Variants in NHSL2 observed in about 807,000 individuals in gnomAD.
NHSL2 encodes the protein NHS like 2.
In NHSL2, 27 loss-of-function variants were observed where a neutral mutation model predicts 53.4. The ratio of observed to expected loss-of-function variants is 0.51; its 90% CI spans 0.37 to 0.70. NHSL2 has a LOEUF of 0.70. NHSL2 is among the 30% of genes least tolerant of loss of function. NHSL2 has a pLI of 0.00. For missense variants in NHSL2, 892 were observed against 980.1 expected (o/e 0.91, Z 1.20); for synonymous variants, 408 against 404.1 (o/e 1.01, Z -0.12).
At chrX:71,964,009 A>ATG (rs1324207735) in intron 1 of NHSL2, among the ~76,000 whole-genome samples, 32,132 of 38,427 alleles carry the variant, frequency 0.84, 12,727 homozygotes, top group Non-Finnish European at 0.93. Flanking sequence ...ACATATATAT[A>ATG]TGTATATATA....
rs767833255 is a variant in NHSL2, at chrX:71,970,932, G to A, written c.280+59565G>A. Among the ~76,000 whole-genome samples, 70 of 111,030 alleles carry A rather than the reference G, an allele frequency of 6.3e-4. 1 individual carries two copies. In the South Asian group the frequency reaches 0.012, roughly 19 times the overall value. Reference sequence around the variant, plus strand: ...CTAGTAGTTAGGACTACAGGTGTGCGCCACCATGCTGGGTTAATTTTTTAA... The same window carrying A: ...CTAGTAGTTAGGACTACAGGTGTGCACCACCATGCTGGGTTAATTTTTTAA... On this transcript the variant is annotated intron_variant, in intron 1 of 7. Transcript: ENST00000633930.
chrX:71,948,443 A>T (rs1403095244), intron 1 of NHSL2, among the ~76,000 whole-genome samples: 1 of 112,203 alleles, frequency 8.9e-6, no homozygotes, highest in Non-Finnish European at 1.9e-5. Context: ...GCTCTAAGCT[A>T]GGCTTTTAGT....
chrX:72,150,087 A>C lies in NHSL2; in HGVS notation c.*6513A>C, dbSNP rs1359020999. On this transcript the variant is annotated 3_prime_UTR_variant, in exon 8 of 8. Transcript: ENST00000633930. Reference sequence around the variant, plus strand: ...TGAACTAATATATATGCTTTAAGGGAAAATGTTCAAGAGTTCTTTAATTCA... The same window carrying C: ...TGAACTAATATATATGCTTTAAGGGCAAATGTTCAAGAGTTCTTTAATTCA... 1.8e-5 allele frequency: 2 copies of C among 112,955 alleles called. No individual in the cohort carries two copies. Among genetic ancestry groups the C allele is most frequent in the African/African-American group, 6.4e-5 (2 of 31,112 alleles). The allele number at this position is 112,955 out of a possible 1,213,427, so 9.3% of individuals were successfully genotyped here.
intron 1 of NHSL2, among the ~76,000 whole-genome samples, chrX:72,100,662 G>A (rs1248587955): frequency 8.9e-6 from 1 of 111,994 alleles, no homozygotes; most frequent in Non-Finnish European, 1.9e-5. Context: ...CCTACTGTGA[G>A]CTGTGCATGT....
intron 1 of NHSL2, among the ~76,000 whole-genome samples, chrX:72,107,409 G>C (rs1002974685): frequency 1.2e-4 from 14 of 112,629 alleles, no homozygotes; most frequent in African/African-American, 4.2e-4. Context: ...CCCCTTGTGG[G>C]TAGGCAGGGA....
chrX:72,066,139 G>A (rs1277642728), intron 1 of NHSL2, among the ~76,000 whole-genome samples: 3 of 111,590 alleles, frequency 2.7e-5, no homozygotes, highest in African/African-American at 9.8e-5. Flanking sequence ...CATTGAAGGG[G>A]TCTGGGGAAG....
intron 1 of NHSL2, among the ~76,000 whole-genome samples, chrX:72,007,418 C>T (rs1402844190): frequency 1.8e-5 from 2 of 112,370 alleles, no homozygotes; most frequent in East Asian, 5.6e-4. Context: ...CCGGGGATGC[C>T]CTTTTAATAA....
intron 1 of NHSL2, among the ~76,000 whole-genome samples, chrX:72,063,805 G>A (rs57219247): frequency 0.023 from 2,529 of 110,354 alleles, 69 homozygotes; most frequent in African/African-American, 0.079. Flanking sequence ...AGCACAATGT[G>A]TACTGCATTT....
rs55912050 is a variant in NHSL2 at position 72,144,704 on chromosome X, GCACACACACACA to G, written c.*1161_*1172del. Reference sequence around the variant, plus strand: ...CTTGCCAGTTGCTATGGCCCATAATGCACACACACACACACACACACACACACACACACACAC... The same window carrying G: ...CTTGCCAGTTGCTATGGCCCATAATGCACACACACACACACACACACACAC... On this transcript the variant is annotated 3_prime_UTR_variant, in exon 8 of 8. Coordinates refer to ENST00000633930, the MANE Select transcript of NHSL2 (RefSeq NM_001013627.3). 0.017 allele frequency: 2,600 copies of G among 155,667 alleles called. 9 individuals are homozygous for G. Among genetic ancestry groups the G allele is most frequent in the East Asian group, 0.076 (378 of 4,987 alleles). The allele number at this position is 155,667 out of a possible 1,213,427, so 12.8% of individuals were successfully genotyped here.
chrX:72,101,619 G>C (rs764851165), intron 1 of NHSL2, among the ~76,000 whole-genome samples: 4 of 110,410 alleles, frequency 3.6e-5, no homozygotes, highest in Non-Finnish European at 5.7e-5. Context: ...TGGTGGAGCC[G>C]AGGGTTCAGA....
intron 1 of NHSL2, among the ~76,000 whole-genome samples, chrX:72,113,171 T>C (rs1235969798): frequency 8.9e-6 from 1 of 112,279 alleles, no homozygotes; most frequent in East Asian, 2.8e-4. Flanking sequence ...AGTTTATTTT[T>C]TCTTTTGTTG....
At chrX:71,994,353 G>A (rs2042040812) in intron 1 of NHSL2, among the ~76,000 whole-genome samples, 2 of 103,123 alleles carry the variant, frequency 1.9e-5, no homozygotes, top group Non-Finnish European at 3.9e-5. Context: ...GGTAGGCTTC[G>A]GGTGAAAAGG....
At position 72,152,208 on chromosome X, in the gene NHSL2, T is replaced by C. The variant is rs2042519541; in HGVS notation, c.*8634T>C. The C allele has an allele frequency of 8.8e-6, 1 of 113,357 alleles. No individual in the cohort carries two copies. 9.3% of individuals were successfully genotyped at this position (113,357 alleles called of 1,213,427 possible). A position where few individuals can be genotyped will look rare whatever the true frequency, so the allele number is the denominator to read the frequency against. On this transcript the variant is annotated 3_prime_UTR_variant, in exon 8 of 8. Coordinates refer to ENST00000633930, the MANE Select transcript of NHSL2 (RefSeq NM_001013627.3). ...CTAATGCTTCTTGGGAGTCTGAAGCTCAGATTCACATTTTCACATTTTCTC... is the reference window on the plus strand; with the variant it reads ...CTAATGCTTCTTGGGAGTCTGAAGCCCAGATTCACATTTTCACATTTTCTC...
intron 1 of NHSL2, among the ~76,000 whole-genome samples, chrX:72,109,935 C>T (rs931178602): frequency 8.9e-6 from 1 of 112,060 alleles, no homozygotes; most frequent in African/African-American, 3.3e-5. Context: ...TTATTAAAAA[C>T]TCCACAGAGT....
intron 1 of NHSL2, among the ~76,000 whole-genome samples, chrX:72,038,094 C>T (rs1052792234): frequency 1.1e-4 from 12 of 112,181 alleles, no homozygotes; most frequent in African/African-American, 3.9e-4. Context: ...AGTCTGGGAC[C>T]TAGTCACATT....
At chrX:71,911,461 C>T (rs1222821870) in intron 1 of NHSL2, 94 bp downstream of exon 1, 1 of 765,346 alleles carries the variant, frequency 1.3e-6, no homozygotes, top group East Asian at 4.2e-5. Flanking sequence ...CCTCTCCCCG[C>T]CTCTCTCCGC....
chrX:71,945,758 T>A (rs2041789419), intron 1 of NHSL2, among the ~76,000 whole-genome samples: 2 of 111,655 alleles, frequency 1.8e-5, no homozygotes, highest in Non-Finnish European at 3.8e-5. Context: ...AGACTTGTTT[T>A]TCTCTTTTTT....
intron 1 of NHSL2, among the ~76,000 whole-genome samples, chrX:71,918,822 A>G (rs1427498459): frequency 2.7e-5 from 3 of 112,481 alleles, no homozygotes. Flanking sequence ...AAAATAACTT[A>G]CACATTCAAT....
At chrX:72,066,856 G>A (rs1286823966) in intron 1 of NHSL2, among the ~76,000 whole-genome samples, 1 of 112,179 alleles carries the variant, frequency 8.9e-6, no homozygotes, top group Non-Finnish European at 1.9e-5. Flanking sequence ...GAGGCTGGAT[G>A]TGATAGCTCA....
Sources: allele counts gnomAD v4.1 joint callset (sites outside exome capture counted in the v4.1 genomes callset), GRCh38; gene constraint gnomAD v4.1.1; transcripts MANE v1.5; gene names NCBI Gene and HGNC (gene_info 2026-07-23, HGNC 2026-07-21).